Variants in ZCWPW2 observed in about 807,000 individuals in gnomAD.
ZCWPW2 encodes zinc finger CW-type and PWWP domain containing 2, also known as zinc finger CW-type PWWP domain protein 2.
A neutral mutation model predicts 46.6 loss-of-function variants in ZCWPW2; 45 were observed. The observed-to-expected ratio is 0.96, with a 90% CI of 0.76 to 1.24. ZCWPW2 has a LOEUF of 1.24. Ranked by LOEUF, ZCWPW2 falls within the 50% of genes most tolerant of loss-of-function variation. The pLI, the probability that ZCWPW2 is intolerant of heterozygous loss-of-function variation, is 0.00. For synonymous variants in ZCWPW2, 152 were observed against 137.1 expected, an observed-to-expected ratio of 1.11 and a Z score of -0.76; for missense variants, 429 against 403.9, an observed-to-expected ratio of 1.06 and a Z score of -0.53.
At position 28,447,790 on chromosome 3, in the gene ZCWPW2, T is replaced by G. The variant is rs141932539; in HGVS notation, c.492+12521T>G. 676 of 800,070 alleles carry G rather than the reference T, an allele frequency of 8.4e-4. 7 individuals are homozygous for G. The African/African-American group carries it at 9.1e-3, about 11-fold the overall frequency. 49.6% of individuals were successfully genotyped at this position (800,070 alleles called of 1,614,324 possible). On this transcript the variant is annotated intron_variant, in intron 4 of 9. Coordinates refer to ENST00000383768, the MANE Select transcript of ZCWPW2 (RefSeq NM_001040432.4). ...ATACAACCACTAATAAAACTAGGCT[T>G]TCCTGAACCCCTGGCAATAGAATTG...
At chr3:28,522,936 C>T (rs573809058) in intron 9 of ZCWPW2, among the ~76,000 whole-genome samples, 14 of 152,176 alleles carry the variant, frequency 9.2e-5, no homozygotes, top group South Asian at 2.1e-4. Context: ...TCAGTGTTAG[C>T]GGTTTCTTTT....
At chr3:28,407,805 T>C (rs1358225233) in intron 2 of ZCWPW2, among the ~76,000 whole-genome samples, 1 of 152,234 alleles carries the variant, frequency 6.6e-6, no homozygotes, top group Non-Finnish European at 1.5e-5. Flanking sequence ...GTACTCAGCA[T>C]AGCTTTGCAT....
At chr3:28,364,724 A>G (rs1705064831) in intron 1 of ZCWPW2, among the ~76,000 whole-genome samples, 2 of 151,992 alleles carry the variant, frequency 1.3e-5, no homozygotes, top group African/African-American at 4.8e-5. Flanking sequence ...TACACGTGCC[A>G]TGTTGGTGTG....
chr3:28,404,911 C>T (rs1696099165), intron 2 of ZCWPW2, among the ~76,000 whole-genome samples: 1 of 152,126 alleles, frequency 6.6e-6, no homozygotes, highest in Non-Finnish European at 1.5e-5. Flanking sequence ...GGACAAAAGA[C>T]TACAAATAGA....
chr3:28,438,837 A>G (rs1197507488), intron 4 of ZCWPW2, among the ~76,000 whole-genome samples: 1 of 152,080 alleles, frequency 6.6e-6, no homozygotes, highest in Non-Finnish European at 1.5e-5. Flanking sequence ...GGAATTAGAA[A>G]ACCTATAAGA....
At chr3:28,469,917 G>A (rs1698975950) in intron 4 of ZCWPW2, among the ~76,000 whole-genome samples, 2 of 152,032 alleles carry the variant, frequency 1.3e-5, no homozygotes, top group South Asian at 4.1e-4. Context: ...TCTGCACTTT[G>A]GAACATATAG....
At chr3:28,498,245 G>A (rs1018349778) in intron 6 of ZCWPW2, among the ~76,000 whole-genome samples, 22 of 106,564 alleles carry the variant, frequency 2.1e-4, no homozygotes, top group African/African-American at 6.0e-4. Context: ...ATACGTGTGT[G>A]TGTGTGTGTG....
intron 2 of ZCWPW2, among the ~76,000 whole-genome samples, chr3:28,390,820 G>A (rs538555007): frequency 8.5e-4 from 129 of 152,136 alleles, no homozygotes; most frequent in Non-Finnish European, 1.1e-3. Context: ...CAAATTAGAA[G>A]GTTGTGGAAT....
chr3:28,443,929 C>G (rs1032055432), intron 4 of ZCWPW2, among the ~76,000 whole-genome samples: 1 of 146,130 alleles, frequency 6.8e-6, no homozygotes, highest in African/African-American at 2.7e-5. Flanking sequence ...GCCTTTGGAC[C>G]CCTTCCTCTA....
chr3:28,480,396 C>T (rs1229279852), intron 5 of ZCWPW2, among the ~76,000 whole-genome samples: 2 of 151,534 alleles, frequency 1.3e-5, no homozygotes, highest in Non-Finnish European at 2.9e-5. Flanking sequence ...TGTCCTTTGC[C>T]CACTTTTTAA....
intron 4 of ZCWPW2, among the ~76,000 whole-genome samples, chr3:28,449,144 A>G (rs1698127357): frequency 6.6e-6 from 1 of 152,162 alleles, no homozygotes; most frequent in Non-Finnish European, 1.5e-5. Flanking sequence ...GGAAAGGACA[A>G]TCTTATCACC....
At chr3:28,387,919 G>A (rs1695335933) in intron 1 of ZCWPW2, among the ~76,000 whole-genome samples, 1 of 152,188 alleles carries the variant, frequency 6.6e-6, no homozygotes, top group South Asian at 2.1e-4. Context: ...CATTAGTCAG[G>A]GTTCTACAGA....
intron 4 of ZCWPW2, among the ~76,000 whole-genome samples, chr3:28,469,727 A>G (rs1698967915): frequency 6.6e-6 from 1 of 151,440 alleles, no homozygotes; most frequent in Admixed American, 6.6e-5. Flanking sequence ...TATATATGAT[A>G]TATATATGTA....
chr3:28,365,326 A>G (rs1366407191), intron 1 of ZCWPW2, among the ~76,000 whole-genome samples: 2 of 141,522 alleles, frequency 1.4e-5, no homozygotes, highest in South Asian at 2.3e-4. Context: ...ATTTTTGTAT[A>G]CAGTGTAAGG....
At chr3:28,410,343 T>C (rs1212588962) in intron 2 of ZCWPW2, among the ~76,000 whole-genome samples, 1 of 151,998 alleles carries the variant, frequency 6.6e-6, no homozygotes, top group Non-Finnish European at 1.5e-5. Context: ...ATCATAAAAT[T>C]TTATTTATAA....
At chr3:28,404,850 T>G (rs1018107200) in intron 2 of ZCWPW2, among the ~76,000 whole-genome samples, 1 of 152,080 alleles carries the variant, frequency 6.6e-6, no homozygotes, top group African/African-American at 2.4e-5. Flanking sequence ...GGGATAAGAA[T>G]GACACAATGG....
At chr3:28,506,873 A>G (rs1441644490) in intron 6 of ZCWPW2, among the ~76,000 whole-genome samples, 1 of 152,108 alleles carries the variant, frequency 6.6e-6, no homozygotes, top group African/African-American at 2.4e-5. Context: ...ACAATGATTG[A>G]ACAACTAATT....
At chr3:28,522,822 G>T (rs1215947557) in intron 9 of ZCWPW2, among the ~76,000 whole-genome samples, 1 of 152,078 alleles carries the variant, frequency 6.6e-6, no homozygotes, top group Non-Finnish European at 1.5e-5. Context: ...AAGACCTGCA[G>T]ATTGGTATCA....
At chr3:28,446,967 A>T (rs184276366) in intron 4 of ZCWPW2, among the ~76,000 whole-genome samples, 31 of 152,262 alleles carry the variant, frequency 2.0e-4, no homozygotes, top group Admixed American at 2.0e-3. Flanking sequence ...CTAAAGCATG[A>T]AGAAATAGAA....
Sources: allele counts gnomAD v4.1 joint callset (sites outside exome capture counted in the v4.1 genomes callset), GRCh38; gene constraint gnomAD v4.1.1; transcripts MANE v1.5; gene names NCBI Gene and HGNC (gene_info 2026-07-23, HGNC 2026-07-21).